The following DLC1 variants were observed in gnomAD, a reference collection of about 807,000 sequenced individuals.
The protein encoded by DLC1 is rho GTPase-activating protein 7.
A neutral mutation model predicts 140.3 loss-of-function variants in DLC1; 54 were observed. That is an observed-to-expected ratio of 0.38 (90% CI 0.31 to 0.48). The LOEUF is 0.48. Ranked by LOEUF, DLC1 falls within the 20% of genes least tolerant of loss-of-function variation. DLC1 has a pLI of 0.96. For missense variants in DLC1, 2,536 were observed against 1,907.0 expected (o/e 1.33, Z -6.14); for synonymous variants, 986 against 728.1 (o/e 1.35, Z -5.70).
chr8:13,350,570 G>C (rs1834605074), intron 4 of DLC1, among the ~76,000 whole-genome samples: 1 of 152,130 alleles, frequency 6.6e-6, no homozygotes, highest in East Asian at 1.9e-4. Flanking sequence ...ACAAAAATTA[G>C]CCGGGCGTGG....
intron 2 of DLC1, among the ~76,000 whole-genome samples, chr8:13,480,306 G>C (rs192599526): frequency 6.6e-6 from 1 of 152,134 alleles, no homozygotes; most frequent in African/African-American, 2.4e-5. Flanking sequence ...AGGGAGATAT[G>C]TAAACCAGAA....
rs1225475405 is a variant in DLC1, at chr8:13,099,348, T to C, written c.2989A>G (p.Arg997Gly). The change falls in exon 9 of 18, where the codon AGG becomes GGG. Residue 997 changes from arginine to glycine, a missense_variant and splice_region_variant. Transcript: ENST00000276297. ...GVGASLTRSN[R>G]HRLRWHSFQS... ...CGGAGGCAGGAGAAAAGTTCTTACC[T>C]GTTGGACCTGGTTAGGGAAGCCCCA... 1.9e-6 allele frequency: 3 copies of C among 1,612,812 alleles called. No individual in the cohort carries two copies. Among genetic ancestry groups the C allele is most frequent in the African/African-American group, 1.3e-5 (1 of 74,972 alleles).
rs547364738 is a variant in DLC1, at chr8:13,306,117, AT to A, written c.1315-816del. 3.1e-3 allele frequency among the ~76,000 whole-genome samples: 473 copies of A among 152,344 alleles called. 3 individuals carry two copies. Among genetic ancestry groups the A allele is most frequent in the African/African-American group, 0.011 (458 of 41,578 alleles). ...GAAAGAACTAAAGGAAGCAGCCTCT[AT>A]AAAGCGTACCAGATCTTCAGGGAAA... On this transcript the variant is annotated intron_variant, in intron 4 of 17. Transcript: ENST00000276297.
At chr8:13,413,628 G>C (rs1837910030) in intron 2 of DLC1, among the ~76,000 whole-genome samples, 1 of 151,922 alleles carries the variant, frequency 6.6e-6, no homozygotes, top group Non-Finnish European at 1.5e-5. Flanking sequence ...GAGGTAATTG[G>C]ATCATGGAGG....
intron 1 of DLC1, among the ~76,000 whole-genome samples, chr8:13,561,916 T>G (rs539557827): frequency 6.6e-6 from 1 of 152,266 alleles, no homozygotes; most frequent in East Asian, 1.9e-4. Context: ...GACATAAAAA[T>G]TAGAAAGCAA....
chr8:13,108,129 T>C (rs1434900865), intron 7 of DLC1, among the ~76,000 whole-genome samples: 1 of 152,162 alleles, frequency 6.6e-6, no homozygotes, highest in Non-Finnish European at 1.5e-5. Context: ...TGTTTAGGCC[T>C]CTCGAAAGGG....
chr8:13,568,149 T>C (rs762158575), intron 1 of DLC1: 1 of 590,250 alleles, frequency 1.7e-6, no homozygotes, highest in Non-Finnish European at 2.8e-6. Flanking sequence ...AAGAGAACTA[T>C]GTTGGTAGTT....
chr8:13,329,978 A>G (rs1833520782), intron 4 of DLC1, among the ~76,000 whole-genome samples: 2 of 152,060 alleles, frequency 1.3e-5, no homozygotes, highest in South Asian at 4.1e-4. Flanking sequence ...TTATTTTTAC[A>G]TTTAGAGACA....
intron 2 of DLC1, among the ~76,000 whole-genome samples, chr8:13,454,460 A>C (rs1799300128): frequency 6.6e-6 from 1 of 152,208 alleles, no homozygotes; most frequent in African/African-American, 2.4e-5. Flanking sequence ...GTAATATTTA[A>C]ATTTCAACAA....
intron 1 of DLC1, chr8:13,567,199 C>A: frequency 6.4e-7 from 1 of 1,551,756 alleles, no homozygotes; most frequent in Non-Finnish European, 8.7e-7. Flanking sequence ...AGGAGACACA[C>A]AATCTGAGCT....
At chr8:13,217,728 C>T (rs1828272817) in intron 5 of DLC1, among the ~76,000 whole-genome samples, 1 of 151,732 alleles carries the variant, frequency 6.6e-6, no homozygotes, top group African/African-American at 2.4e-5. Context: ...GTCCCAGCTA[C>T]TTGGGAGGCT....
chr8:13,328,655 G>A (rs541066450), intron 4 of DLC1, among the ~76,000 whole-genome samples: 2 of 152,246 alleles, frequency 1.3e-5, no homozygotes, highest in East Asian at 1.9e-4. Flanking sequence ...TGAAGCTGGG[G>A]AGATGAGGAC....
At chr8:13,584,274 C>A in intron 1 of DLC1, 1 of 154,196 alleles carries the variant, frequency 6.5e-6, no homozygotes, top group South Asian at 2.0e-4. Flanking sequence ...AAAGATCTGC[C>A]TGAGCCGGAT....
intron 6 of DLC1, among the ~76,000 whole-genome samples, chr8:13,112,162 T>C (rs1820171586): frequency 1.3e-5 from 2 of 151,824 alleles, no homozygotes; most frequent in African/African-American, 4.8e-5. Context: ...AAAAAATAAA[T>C]AAAAAGTAAA....
At chr8:13,334,434 A>C (rs1464091024) in intron 4 of DLC1, among the ~76,000 whole-genome samples, 1 of 152,146 alleles carries the variant, frequency 6.6e-6, no homozygotes, top group Non-Finnish European at 1.5e-5. Flanking sequence ...GTTCTAAGCA[A>C]GAAGAGTATC....
chr8:13,555,612 C>T (rs1375730765), intron 1 of DLC1, among the ~76,000 whole-genome samples: 1 of 152,060 alleles, frequency 6.6e-6, no homozygotes, highest in African/African-American at 2.4e-5. Context: ...CTGCCTCTGC[C>T]TCCCAAGTAG....
intron 5 of DLC1, among the ~76,000 whole-genome samples, chr8:13,224,341 C>T (rs1257248688): frequency 6.6e-6 from 1 of 152,190 alleles, no homozygotes; most frequent in Non-Finnish European, 1.5e-5. Context: ...GAGCAGATTT[C>T]AGTCCGGTTG....
intron 2 of DLC1, among the ~76,000 whole-genome samples, chr8:13,402,937 T>A (rs962175584): frequency 6.6e-6 from 1 of 152,228 alleles, no homozygotes; most frequent in Non-Finnish European, 1.5e-5. Flanking sequence ...TACACAGGTA[T>A]TATCTTTCAC....
At chr8:13,291,139 C>T (rs1400037676) in intron 5 of DLC1, among the ~76,000 whole-genome samples, 1 of 152,116 alleles carries the variant, frequency 6.6e-6, no homozygotes, top group Non-Finnish European at 1.5e-5. Context: ...GAACTCCTGG[C>T]CTCAAGTGAT....
Sources: gnomAD v4.1 joint callset for allele counts (sites outside exome capture counted in the v4.1 genomes callset) on GRCh38, gnomAD v4.1.1 for gene constraint, MANE v1.5 for transcripts, NCBI Gene and HGNC (gene_info 2026-07-23, HGNC 2026-07-21) for gene names.